Variants in HACD3 observed in about 807,000 individuals in gnomAD.
The protein encoded by HACD3 is very-long-chain (3R)-3-hydroxyacyl-CoA dehydratase 3.
HACD3 carries 30 observed loss-of-function variants against 55.2 expected under a neutral mutation model. The observed-to-expected ratio is 0.54, with a 90% CI of 0.41 to 0.74. The LOEUF is 0.74. Ranked by LOEUF, HACD3 falls within the 30% of genes least tolerant of loss-of-function variation. The pLI is 0.00. For synonymous variants in HACD3, 141 were observed against 151.7 expected, an observed-to-expected ratio of 0.93 and a Z score of 0.52; for missense variants, 363 against 440.1, an observed-to-expected ratio of 0.82 and a Z score of 1.57.
chr15:65,572,199 C>A (rs753594594), intron 9 of HACD3, 36 bp from the exon 10 acceptor site: 1 of 1,606,768 alleles, frequency 6.2e-7, no homozygotes, highest in Non-Finnish European at 8.5e-7. Context: ...GTGACTGTTT[C>A]ATTTGCTTCT....
At chr15:65,569,014 G>A (rs1689654500) in intron 7 of HACD3, among the ~76,000 whole-genome samples, 1 of 152,004 alleles carries the variant, frequency 6.6e-6, no homozygotes, top group Non-Finnish European at 1.5e-5. Context: ...TTGGGAGGCC[G>A]AGGCGGGTGG....
At chr15:65,530,800 G>T (rs1027713733) in intron 1 of HACD3, 82 bp downstream of exon 1, 121 of 1,327,830 alleles carry the variant, frequency 9.1e-5, no homozygotes, top group Middle Eastern at 5.0e-4. Flanking sequence ...CTTTGTCCGC[G>T]TGCGCGCCGG....
chr15:65,547,604 C>T (rs1194293633), intron 1 of HACD3, among the ~76,000 whole-genome samples: 1 of 152,222 alleles, frequency 6.6e-6, no homozygotes, highest in Non-Finnish European at 1.5e-5. Flanking sequence ...AGATAGATGC[C>T]AGCCAAAGGC....
At chr15:65,548,361 A>G (rs2072097036) in intron 1 of HACD3, among the ~76,000 whole-genome samples, 1 of 151,864 alleles carries the variant, frequency 6.6e-6, no homozygotes, top group South Asian at 2.1e-4. Context: ...TTTAAAAAAG[A>G]TATTAGCCAG....
At chr15:65,562,959 C>A in intron 6 of HACD3, 75 bp downstream of exon 6, 1 of 1,569,062 alleles carries the variant, frequency 6.4e-7, no homozygotes, top group Non-Finnish European at 8.7e-7. Flanking sequence ...GGAGCACTCT[C>A]TGCCTTTGAT....
rs2072404916 is a variant in HACD3 at position 65,576,709 on chromosome 15, A to G, written c.*330A>G. 1 of 257,674 alleles carries G rather than the reference A, an allele frequency of 3.9e-6. No individual in the cohort carries two copies. The highest frequency in any genetic ancestry group is 9.5e-5 in the East Asian group (1 of 10,488). The allele number at this position is 257,674 out of a possible 1,614,324, so 16.0% of individuals were successfully genotyped here. A position where few individuals can be genotyped will look rare whatever the true frequency, so the allele number is the denominator to read the frequency against. Reference sequence around the variant, plus strand: ...TTTCAAAAAGTGCTTTATCCCTACAATGTACTGACAGTTCTTACAGTTGAG... The same window carrying G: ...TTTCAAAAAGTGCTTTATCCCTACAGTGTACTGACAGTTCTTACAGTTGAG... On this transcript the variant is annotated 3_prime_UTR_variant, in exon 11 of 11. Transcript: ENST00000261875.
intron 1 of HACD3, among the ~76,000 whole-genome samples, chr15:65,533,935 C>T (rs2071928822): frequency 6.6e-6 from 1 of 151,678 alleles, no homozygotes; most frequent in South Asian, 2.1e-4. Context: ...GCCTATAGTC[C>T]CAGCTACCAG....
At chr15:65,538,972 C>G (rs1294483087) in intron 1 of HACD3, among the ~76,000 whole-genome samples, 1 of 152,120 alleles carries the variant, frequency 6.6e-6, no homozygotes, top group East Asian at 1.9e-4. Context: ...ATACTGCATA[C>G]TTAATAGACT....
intron 1 of HACD3, among the ~76,000 whole-genome samples, chr15:65,544,207 G>A (rs907231788): frequency 1.3e-5 from 2 of 151,918 alleles, no homozygotes; most frequent in East Asian, 1.9e-4. Context: ...AAGAAAATCC[G>A]TGAGCCCATA....
chr15:65,544,637 T>G (rs1190249804), intron 1 of HACD3, among the ~76,000 whole-genome samples: 1 of 151,878 alleles, frequency 6.6e-6, no homozygotes, highest in East Asian at 1.9e-4. Context: ...AATAAAAATT[T>G]CAATTAAAAA....
chr15:65,554,644 G>A (rs574963174), intron 2 of HACD3, among the ~76,000 whole-genome samples: 10 of 152,152 alleles, frequency 6.6e-5, no homozygotes, highest in South Asian at 2.1e-4. Flanking sequence ...GCATGGTGGC[G>A]GGAGCCTGTA....
At position 65,564,385 on chromosome 15, in the gene HACD3, A is replaced by G. The variant is rs774765161; in HGVS notation, c.660+43A>G. On this transcript the variant is annotated intron_variant, in intron 7 of 10. Coordinates refer to ENST00000261875, the MANE Select transcript of HACD3 (RefSeq NM_016395.4). Reference sequence around the variant, plus strand: ...TGAAGGGTGGGTAATGGAAGGTCCCATTATTTGTCTAGTGGGTATGTGTAT... The same window carrying G: ...TGAAGGGTGGGTAATGGAAGGTCCCGTTATTTGTCTAGTGGGTATGTGTAT... 8 of 1,597,564 alleles carry G rather than the reference A, an allele frequency of 5.0e-6. No individual in the cohort carries two copies. In the African/African-American group the frequency reaches 8.1e-5, roughly 16 times the overall value.
chr15:65,545,394 G>A (rs2072065385), intron 1 of HACD3, among the ~76,000 whole-genome samples: 1 of 151,478 alleles, frequency 6.6e-6, no homozygotes, highest in African/African-American at 2.4e-5. Context: ...GTGTAAGTCT[G>A]TATTAAATAA....
chr15:65,533,393 G>T (rs1204926233), intron 1 of HACD3, among the ~76,000 whole-genome samples: 2 of 152,238 alleles, frequency 1.3e-5, no homozygotes, highest in Non-Finnish European at 2.9e-5. Context: ...GTAGGGCAGG[G>T]AGACTAGTAT....
chr15:65,540,551 A>G (rs1311261211), intron 1 of HACD3, among the ~76,000 whole-genome samples: 3 of 152,194 alleles, frequency 2.0e-5, no homozygotes, highest in African/African-American at 4.8e-5. Flanking sequence ...CAACAAGTCC[A>G]CAGACTTAGA....
At chr15:65,576,090 T>A (rs2072398136) in intron 10 of HACD3, among the ~76,000 whole-genome samples, 1 of 152,214 alleles carries the variant, frequency 6.6e-6, no homozygotes, top group Non-Finnish European at 1.5e-5. Context: ...TGAGACCCTG[T>A]CGCAATAAAT....
At chr15:65,530,762 T>A in intron 1 of HACD3, 44 bp downstream of exon 1, 1 of 1,504,966 alleles carries the variant, frequency 6.6e-7, no homozygotes, top group Non-Finnish European at 9.0e-7. Flanking sequence ...GGATCGCGGC[T>A]CCGGGTACCC....
At chr15:65,551,036 C>T (rs958603567) in intron 1 of HACD3, 2 of 152,234 alleles carry the variant, frequency 1.3e-5, no homozygotes, top group African/African-American at 2.4e-5. Context: ...TCTGGAGCCT[C>T]TAAGTTAGAG....
chr15:65,540,669 T>C (rs1229520400), intron 1 of HACD3, among the ~76,000 whole-genome samples: 3 of 152,128 alleles, frequency 2.0e-5, no homozygotes, highest in African/African-American at 2.4e-5. Context: ...GTTTGCAAGA[T>C]GTAGGTCATG....
Sources: gnomAD v4.1 joint callset for allele counts (sites outside exome capture counted in the v4.1 genomes callset) on GRCh38, gnomAD v4.1.1 for gene constraint, MANE v1.5 for transcripts, NCBI Gene and HGNC (gene_info 2026-07-23, HGNC 2026-07-21) for gene names.